The following R3HDM2 variants were observed in gnomAD, a reference collection of about 807,000 sequenced individuals.
R3HDM2 encodes the protein R3H domain-containing protein 2.
R3HDM2 carries 38 observed loss-of-function variants against 124.5 expected under a neutral mutation model. That is an observed-to-expected ratio of 0.31 (90% CI 0.24 to 0.40). R3HDM2 has a LOEUF of 0.40. Ranked by LOEUF, R3HDM2 falls within the 10% of genes least tolerant of loss-of-function variation. The probability of loss-of-function intolerance (pLI) is 1.00; values close to 1 mark genes in which losing one functional copy is unlikely to be tolerated. For synonymous variants in R3HDM2, 391 were observed against 448.0 expected (o/e 0.87, Z 1.61); for missense variants, 869 against 1,236.9 (o/e 0.70, Z 4.46).
chr12:57,373,768 G>A (rs925252551), intron 2 of R3HDM2, among the ~76,000 whole-genome samples: 11 of 151,824 alleles, frequency 7.2e-5, no homozygotes, highest in East Asian at 1.9e-4. Context: ...AGCTGAGATC[G>A]CACCATTGCA....
chr12:57,351,005 A>G (rs1347787814), intron 2 of R3HDM2, among the ~76,000 whole-genome samples: 1 of 152,208 alleles, frequency 6.6e-6, no homozygotes, highest in Non-Finnish European at 1.5e-5. Context: ...AGGCTGAGGC[A>G]AAGAATTGCT....
At chr12:57,256,681 G>A (rs1297742848) in intron 21 of R3HDM2, among the ~76,000 whole-genome samples, 170 bp from the exon 22 acceptor site, 1 of 152,078 alleles carries the variant, frequency 6.6e-6, no homozygotes, top group African/African-American at 2.4e-5. Context: ...AAATCCTTTG[G>A]CTCTCAACTG....
At chr12:57,410,856 A>T (rs1047407876) in intron 1 of R3HDM2, among the ~76,000 whole-genome samples, 1 of 152,188 alleles carries the variant, frequency 6.6e-6, no homozygotes, top group Admixed American at 6.6e-5. Flanking sequence ...CTGTCTCTAA[A>T]TAAATAAAAA....
intron 2 of R3HDM2, among the ~76,000 whole-genome samples, chr12:57,327,081 G>A (rs1348621570): frequency 6.6e-6 from 1 of 152,096 alleles, no homozygotes; most frequent in Non-Finnish European, 1.5e-5. Context: ...GGAGATTAAT[G>A]TTATTTTCAG....
chr12:57,320,207 G>A (rs1391762233), intron 2 of R3HDM2, among the ~76,000 whole-genome samples: 2 of 122,480 alleles, frequency 1.6e-5, no homozygotes, highest in Non-Finnish European at 3.2e-5. Context: ...GTTGCAGTGA[G>A]CCAAGACTGC....
chr12:57,303,282 AC>A, intron 3 of R3HDM2, 65 bp from the exon 4 acceptor site: 1 of 1,358,744 alleles, frequency 7.4e-7, no homozygotes. Flanking sequence ...TAAAAACAAT[AC>A]ATGTTTATAA....
intron 2 of R3HDM2, among the ~76,000 whole-genome samples, chr12:57,368,991 C>G (rs945590063): frequency 2.0e-5 from 3 of 152,086 alleles, no homozygotes; most frequent in African/African-American, 7.2e-5. Context: ...AAGAAGGCAA[C>G]ACAAGTGATC....
At chr12:57,320,111 T>C (rs563448480) in intron 2 of R3HDM2, among the ~76,000 whole-genome samples, 21 of 151,080 alleles carry the variant, frequency 1.4e-4, no homozygotes, top group African/African-American at 5.1e-4. Context: ...ATACAAAAAA[T>C]TAGCTGGGGG....
intron 11 of R3HDM2, 83 bp downstream of exon 11, chr12:57,292,489 T>C (rs1197715568): frequency 2.0e-5 from 19 of 945,750 alleles, no homozygotes; most frequent in African/African-American, 3.3e-5. Context: ...CCAAAAACAT[T>C]TGTGGAGGGT....
chr12:57,425,736 G>A (rs1191770975), intron 1 of R3HDM2, among the ~76,000 whole-genome samples: 1 of 152,040 alleles, frequency 6.6e-6, no homozygotes, highest in Non-Finnish European at 1.5e-5. Flanking sequence ...AGGCGGAGGT[G>A]GTAGTGAGCT....
intron 20 of R3HDM2, among the ~76,000 whole-genome samples, chr12:57,258,437 T>C (rs2039743460): frequency 6.6e-6 from 1 of 151,912 alleles, no homozygotes. Context: ...CTACACCTCC[T>C]GGGTTCAAGC....
At chr12:57,381,503 C>A (rs1247057366) in intron 2 of R3HDM2, among the ~76,000 whole-genome samples, 1 of 138,818 alleles carries the variant, frequency 7.2e-6, no homozygotes. Context: ...CGAGATCGTA[C>A]CACTGCACTC....
chr12:57,427,828 C>G (rs1219401995), intron 1 of R3HDM2, among the ~76,000 whole-genome samples: 1 of 151,838 alleles, frequency 6.6e-6, no homozygotes, highest in Non-Finnish European at 1.5e-5. Flanking sequence ...TTGGGCCAGG[C>G]GCAGTGGCTC....
chr12:57,263,648 T>C (rs545560845), intron 19 of R3HDM2, among the ~76,000 whole-genome samples: 1 of 152,278 alleles, frequency 6.6e-6, no homozygotes, highest in South Asian at 2.1e-4. Context: ...TTTGTATTTT[T>C]AGTAGAGATG....
intron 12 of R3HDM2, among the ~76,000 whole-genome samples, chr12:57,285,170 C>T (rs1358734399): frequency 6.6e-6 from 1 of 152,136 alleles, no homozygotes; most frequent in Admixed American, 6.5e-5. Context: ...AAATAGGAAA[C>T]CCCATTCCAA....
chr12:57,425,444 G>A (rs1184040762), intron 1 of R3HDM2, among the ~76,000 whole-genome samples: 4 of 152,106 alleles, frequency 2.6e-5, no homozygotes, highest in Non-Finnish European at 5.9e-5. Flanking sequence ...AGCTTTCAAT[G>A]TCCTCGCAAA....
In R3HDM2 at chr12:57,408,942, G is replaced by A. The variant is rs991159628; in HGVS notation, c.-105-13124C>T. On this transcript the variant is annotated intron_variant, in intron 1 of 23. Coordinates refer to ENST00000402412, the MANE Select transcript of R3HDM2 (RefSeq NM_001394031.1). ...CTAGTTCAATTTCTACTTCTTCCAC[G>A]ATGCCTTTCTATATTGACTTCTCTC... Among the ~76,000 whole-genome samples, 5 of 150,686 alleles carry A rather than the reference G, an allele frequency of 3.3e-5. 1 individual carries two copies. The highest frequency in any genetic ancestry group is 7.3e-5 in the African/African-American group (3 of 41,152).
chr12:57,337,378 C>T (rs527761792), intron 2 of R3HDM2, among the ~76,000 whole-genome samples: 1 of 152,138 alleles, frequency 6.6e-6, no homozygotes, highest in African/African-American at 2.4e-5. Flanking sequence ...GTTTCGAACT[C>T]GGGCTCAAGG....
At chr12:57,371,385 T>C (rs1487368912) in intron 2 of R3HDM2, among the ~76,000 whole-genome samples, 1 of 152,042 alleles carries the variant, frequency 6.6e-6, no homozygotes, top group East Asian at 1.9e-4. Context: ...AAACATCAGT[T>C]CTGATGTCCT....
Sources: gnomAD v4.1 joint callset for allele counts (sites outside exome capture counted in the v4.1 genomes callset) on GRCh38, gnomAD v4.1.1 for gene constraint, MANE v1.5 for transcripts, NCBI Gene and HGNC (gene_info 2026-07-23, HGNC 2026-07-21) for gene names.